The following BRD1 variants were observed in gnomAD, a reference collection of about 807,000 sequenced individuals.
BRD1 encodes the protein bromodomain containing 1.
A neutral mutation model predicts 107.7 loss-of-function variants in BRD1; 24 were observed. The ratio of observed to expected loss-of-function variants is 0.22; its 90% CI spans 0.16 to 0.31. BRD1 has a LOEUF of 0.31. Ranked by LOEUF, BRD1 falls within the 10% of genes least tolerant of loss-of-function variation. The pLI is 1.00. For synonymous variants in BRD1, 744 were observed against 686.1 expected (o/e 1.08, Z -1.32); for missense variants, 1,279 against 1,638.6 (o/e 0.78, Z 3.79).
chr22:49,777,921 C>A, intron 8 of BRD1, 108 bp from the exon 9 acceptor site: 1 of 1,400,882 alleles, frequency 7.1e-7, no homozygotes, highest in Admixed American at 2.6e-5. Flanking sequence ...GTTTCACAGA[C>A]AGGTAAGACA....
At position 49,787,550 on chromosome 22, in the gene BRD1, G is replaced by A; in HGVS notation, c.2697C>T (p.Asn899=). ...GAGGAGAAGTTGGCTGGGTTTCAGT[G>A]TTCTTGGCAGACTTTGGGGGGCTTA... is the stretch of plus-strand genomic sequence containing the variant. The part of the protein sequence containing the change: ...KSVSPPKSAK[N]TETQPTSPQL... The change falls in exon 8 of 13, where the codon AAC becomes AAT. Residue 899 remains asparagine (N), a synonymous_variant. Transcript: ENST00000404760. The A allele has an allele frequency of 6.2e-7, 1 of 1,600,692 alleles. No homozygotes were observed. Among genetic ancestry groups the A allele is most frequent in the Non-Finnish European group, 8.5e-7 (1 of 1,173,226 alleles).
intron 10 of BRD1, among the ~76,000 whole-genome samples, chr22:49,776,808 G>A (rs1260351237): frequency 6.6e-6 from 1 of 152,250 alleles, no homozygotes; most frequent in Admixed American, 6.5e-5. Flanking sequence ...GTTCCACAGG[G>A]AAACGAAGGC....
At chr22:49,780,575 A>G (rs1029840838) in intron 8 of BRD1, among the ~76,000 whole-genome samples, 1 of 152,098 alleles carries the variant, frequency 6.6e-6, no homozygotes, top group African/African-American at 2.4e-5. Context: ...ACACAGACAC[A>G]TCCCGGGAGG....
chr22:49,798,282 A>G (rs1601669458), intron 5 of BRD1, among the ~76,000 whole-genome samples, 165 bp from the exon 6 acceptor site: 1 of 152,098 alleles, frequency 6.6e-6, no homozygotes, highest in Non-Finnish European at 1.5e-5. Flanking sequence ...GACCTTCCCG[A>G]CCCCAGCTCC....
At chr22:49,810,452 A>G (rs1402536953) in intron 2 of BRD1, among the ~76,000 whole-genome samples, 1 of 152,252 alleles carries the variant, frequency 6.6e-6, no homozygotes, top group Non-Finnish European at 1.5e-5. Context: ...CCAAAAGCAC[A>G]AGCAACCGAA....
At chr22:49,804,880 TCCA>T (rs1031910615) in intron 2 of BRD1, among the ~76,000 whole-genome samples, 2 of 152,028 alleles carry the variant, frequency 1.3e-5, no homozygotes, top group Non-Finnish European at 2.9e-5. Flanking sequence ...AAAGATTTCA[TCCA>T]CTTCTCATTC....
intron 8 of BRD1, among the ~76,000 whole-genome samples, chr22:49,785,971 G>T (rs1433551986): frequency 1.3e-5 from 2 of 152,174 alleles, no homozygotes; most frequent in African/African-American, 4.8e-5. Flanking sequence ...GCCTGGGCAG[G>T]TCTTGCCCAC....
Position 49,787,817 on chromosome 22 carries a change from T to C in BRD1, c.2430A>G (p.Ser810=). Residue 810 remains serine, a synonymous_variant, in exon 8 of 13, where the codon TCA becomes TCG. Transcript: ENST00000404760. Reference sequence around the variant, plus strand: ...CTACTGGTTTGAGGGTTGGTGGTTCTGAATTAGTCTCCGAGTTTGAAGGAA... The same window carrying C: ...CTACTGGTTTGAGGGTTGGTGGTTCCGAATTAGTCTCCGAGTTTGAAGGAA... ...LPLPSNSETN[S]EPPTLKPVEL... is the part of the protein sequence containing the mutation. The C allele has an allele frequency of 6.4e-7, 1 of 1,550,850 alleles. No individual in the cohort carries two copies. Among genetic ancestry groups the C allele is most frequent in the Non-Finnish European group, 8.7e-7 (1 of 1,147,024 alleles).
At chr22:49,817,655 CT>C (rs1423441337) in intron 2 of BRD1, 8 of 226,676 alleles carry the variant, frequency 3.5e-5, no homozygotes, top group Non-Finnish European at 7.9e-5. Context: ...CCGGTACCAT[CT>C]GAGGACTGCC....
intron 2 of BRD1, among the ~76,000 whole-genome samples, chr22:49,815,632 G>C (rs912327906): frequency 6.6e-6 from 1 of 152,120 alleles, no homozygotes; most frequent in Non-Finnish European, 1.5e-5. Flanking sequence ...GCCTGCACCA[G>C]GAAGGGCTCT....
chr22:49,820,058 A>C (rs1051874174), intron 2 of BRD1, among the ~76,000 whole-genome samples: 2 of 152,022 alleles, frequency 1.3e-5, no homozygotes, highest in African/African-American at 4.8e-5. Context: ...TGAACCCAGG[A>C]GGTGGAGGTT....
intron 7 of BRD1, among the ~76,000 whole-genome samples, chr22:49,788,931 AT>A (rs1018679050): frequency 6.6e-6 from 1 of 152,366 alleles, no homozygotes; most frequent in African/African-American, 2.4e-5. Context: ...TATGGTTACT[AT>A]TGTCATTCAA....
chr22:49,819,586 G>A (rs2060024403), intron 2 of BRD1, among the ~76,000 whole-genome samples: 1 of 152,090 alleles, frequency 6.6e-6, no homozygotes, highest in African/African-American at 2.4e-5. Context: ...GAATAGCTGG[G>A]ATTACAGGCG....
At chr22:49,804,457 T>G (rs761346892) in intron 2 of BRD1, 97 bp from the exon 3 acceptor site, 1 of 1,383,480 alleles carries the variant, frequency 7.2e-7, no homozygotes, top group Admixed American at 2.3e-5. Context: ...CAAAACCATG[T>G]GTTCATACTT....
At chr22:49,813,351 G>A (rs561224073) in intron 2 of BRD1, among the ~76,000 whole-genome samples, 2 of 152,092 alleles carry the variant, frequency 1.3e-5, no homozygotes, top group African/African-American at 4.8e-5. Context: ...AGCCTCCCTA[G>A]TAGCTGGGAC....
chr22:49,799,045 C>T lies in BRD1; in HGVS notation c.1599G>A (p.Glu533=). Residue 533 remains glutamate, a synonymous_variant, in exon 4 of 13, where the codon GAG becomes GAA. Coordinates refer to ENST00000404760, the MANE Select transcript of BRD1 (RefSeq NM_001304808.3). ...KYWQRLRHDL[E]RARLLIELLR... ...GCAGCTCGATCAGCAGGCGAGCGCG[C>T]TCCAGGTCGTGCCGCAGCCGCTGCC... 6.2e-7 allele frequency: 1 copy of T among 1,611,484 alleles called. No homozygotes were observed. Among genetic ancestry groups the T allele is most frequent in the Non-Finnish European group, 8.5e-7 (1 of 1,179,964 alleles).
At chr22:49,779,361 A>G (rs891951343) in intron 8 of BRD1, among the ~76,000 whole-genome samples, 1 of 152,196 alleles carries the variant, frequency 6.6e-6, no homozygotes, top group Non-Finnish European at 1.5e-5. Flanking sequence ...CTCAATGAGC[A>G]TGACTGACTG....
intron 2 of BRD1, among the ~76,000 whole-genome samples, chr22:49,819,795 T>C (rs971225770): frequency 1.3e-5 from 2 of 152,022 alleles, no homozygotes; most frequent in African/African-American, 2.4e-5. Context: ...TATTTAATCA[T>C]AGTATATCAA....
Position 49,823,516 on chromosome 22 carries a change from G to T in BRD1, c.802C>A (p.Pro268Thr). 6.2e-7 allele frequency: 1 copy of T among 1,601,796 alleles called. No homozygotes were observed. The highest frequency in any genetic ancestry group is 1.1e-5 in the South Asian group (1 of 90,874). ...TTGGGGCACAGCACACAGTCGGCGG[G>T]CCGGGCCCGCGACTGCAGGCAGTGG... is the stretch of plus-strand genomic sequence containing the variant. ...CRHCLQSRAR[P>T]ADCVLCPNKG... is the part of the protein sequence containing the mutation. The change falls in exon 2 of 13, where the codon CCC (proline) becomes ACC (threonine). Residue 268 changes from proline to threonine, a missense_variant. Pro to Thr is a conservative substitution (Grantham distance 38). This residue lies in a region of BRD1 where 158 missense variants were observed against 310.2 expected (regional missense o/e 0.51). Transcript: ENST00000404760.
Sources: gnomAD v4.1 joint callset for allele counts (sites outside exome capture counted in the v4.1 genomes callset) on GRCh38, gnomAD v4.1.1 for gene constraint, gnomAD v4.1.1 regional missense constraint, MANE v1.5 for transcripts, NCBI Gene and HGNC (gene_info 2026-07-23, HGNC 2026-07-21) for gene names.